Variants in ALAS2 observed in about 807,000 individuals in gnomAD.
ALAS2 encodes 5'-aminolevulinate synthase 2, also known as 5-aminolevulinate synthase, erythroid-specific, mitochondrial.
In ALAS2, 3 loss-of-function variants were observed where a neutral mutation model predicts 33.7. The observed-to-expected ratio is 0.09, with a 90% CI of 0.04 to 0.23. The LOEUF (loss-of-function observed/expected upper bound fraction) is 0.23, where lower values mean the gene tolerates loss of function less well. ALAS2 is among the 10% of genes least tolerant of loss of function. The probability of loss-of-function intolerance (pLI) is 1.00; values close to 1 mark genes in which losing one functional copy is unlikely to be tolerated. For missense variants in ALAS2, 304 were observed against 475.1 expected, an observed-to-expected ratio of 0.64 and a Z score of 3.35; for synonymous variants, 191 against 177.3, an observed-to-expected ratio of 1.08 and a Z score of -0.61.
At position 55,018,741 on chromosome X, in the gene ALAS2, G is replaced by T. The variant is rs183120642; in HGVS notation, c.824-1076C>A. Reference sequence around the variant, plus strand: ...AAGAAATTTGGATTTGGTCCTGGGGGAATGGGGGTCCACTAAAGGGTTTTG... The same window carrying T: ...AAGAAATTTGGATTTGGTCCTGGGGTAATGGGGGTCCACTAAAGGGTTTTG... On this transcript the variant is annotated intron_variant, in intron 6 of 10. Coordinates refer to ENST00000650242, the MANE Select transcript of ALAS2 (RefSeq NM_000032.5). 1.4e-4 allele frequency among the ~76,000 whole-genome samples: 16 copies of T among 111,347 alleles called. No homozygotes were observed. The East Asian group carries it at 3.1e-3, about 22-fold the overall frequency.
At position 55,023,737 on chromosome X, in the gene ALAS2, T is replaced by A. The variant is rs770160847; in HGVS notation, c.415+20A>T. ...CCTTCCCTATTCCGGTCCCCTTTTTTTCCACCTCAGCAAACTCACCAGGCA... is the reference window on the plus strand; with the variant it reads ...CCTTCCCTATTCCGGTCCCCTTTTTATCCACCTCAGCAAACTCACCAGGCA... On this transcript the variant is annotated intron_variant, in intron 4 of 10. Transcript: ENST00000650242. 1 of 1,184,188 alleles carries A rather than the reference T, an allele frequency of 8.4e-7. No individual in the cohort carries two copies. The highest frequency in any genetic ancestry group is 3.0e-5 in the East Asian group (1 of 33,696).
chrX:55,015,524 T>C, intron 8 of ALAS2, 54 bp downstream of exon 8: 2 of 1,190,333 alleles, frequency 1.7e-6, no homozygotes. Flanking sequence ...AAAAGAATTT[T>C]GTAAGGGCCT....
chrX:55,010,385 A>G (rs754080842), intron 10 of ALAS2, among the ~76,000 whole-genome samples: 20 of 111,341 alleles, frequency 1.8e-4, no homozygotes, highest in African/African-American at 5.6e-4. Flanking sequence ...AAATCCTTTC[A>G]AGGGCTCTCA....
intron 10 of ALAS2, 40 bp downstream of exon 10, chrX:55,013,446 G>C (rs775867791): frequency 1.6e-4 from 190 of 1,171,528 alleles, no homozygotes; most frequent in Non-Finnish European, 2.1e-4. Flanking sequence ...CTGGGGCTGA[G>C]GGGAGGGAGG....
Position 55,025,697 on chromosome X carries a change from C to T in ALAS2, c.181+123G>A, listed in dbSNP as rs930429161. ...TTCTGGGTATATTTTGGGGCCAGTTCATGCTATCTTGACACTTTTCACATG... is the reference window on the plus strand; with the variant it reads ...TTCTGGGTATATTTTGGGGCCAGTTTATGCTATCTTGACACTTTTCACATG... On this transcript the variant is annotated intron_variant, in intron 2 of 10. Transcript: ENST00000650242. The T allele has an allele frequency of 3.9e-5, 29 of 739,990 alleles. No individual in the cohort carries two copies. In the Admixed American group the frequency reaches 7.2e-4, roughly 18 times the overall value. The allele number at this position is 739,990 out of a possible 1,213,427, so 61.0% of individuals were successfully genotyped here. A position where few individuals can be genotyped will look rare whatever the true frequency, so the allele number is the denominator to read the frequency against.
intron 10 of ALAS2, among the ~76,000 whole-genome samples, 187 bp downstream of exon 10, chrX:55,013,299 C>T (rs1040510177): frequency 1.8e-5 from 2 of 111,566 alleles, no homozygotes; most frequent in African/African-American, 6.5e-5. Context: ...TATCCCCAAC[C>T]AAACTGGAGC....
chrX:55,015,683 A>C lies in ALAS2; in HGVS notation c.1063T>G (p.Phe355Val). The C allele has an allele frequency of 8.3e-7, 1 of 1,211,339 alleles. No individual in the cohort carries two copies. The highest frequency in any genetic ancestry group is 1.1e-6 in the Non-Finnish European group (1 of 895,375). Residue 355 changes from phenylalanine to valine, a missense_variant, in exon 8 of 11, where the codon TTC becomes GTC. Phe to Val is a conservative substitution (Grantham distance 50). Around this residue, in one of 3 missense-constraint regions of ALAS2, gnomAD observed 138 missense variants for 265.3 expected, o/e 0.52. Transcript: ENST00000650242. ...DVSHQYGALTFVDEVHAVGLY... is the reference protein window; with the variant it reads ...DVSHQYGALTVVDEVHAVGLY... ...CCTACAGCATGGACCTCATCCACGA[A>C]GGTCAGGGCCCCATACTGGTGGGAC... is the stretch of plus-strand genomic sequence containing the variant.
intron 6 of ALAS2, among the ~76,000 whole-genome samples, chrX:55,018,549 C>T (rs1396581240): frequency 8.9e-6 from 1 of 111,751 alleles, no homozygotes; most frequent in African/African-American, 3.3e-5. Context: ...GCTAAGTAAA[C>T]ATTTATTAAA....
chrX:55,014,277 G>A (rs1408665578), intron 9 of ALAS2, among the ~76,000 whole-genome samples: 1 of 111,681 alleles, frequency 9.0e-6, no homozygotes, highest in Non-Finnish European at 1.9e-5. Flanking sequence ...TAAGAAGTAC[G>A]TTTTACACCG....
intron 1 of ALAS2, among the ~76,000 whole-genome samples, chrX:55,029,899 A>G (rs1335025783): frequency 9.1e-6 from 1 of 110,347 alleles, no homozygotes; most frequent in South Asian, 3.9e-4. Context: ...GCCAACTGCA[A>G]CTCTACCCCA....
rs759079427 is a variant in ALAS2, at chrX:55,025,979, G to A, written c.22C>T (p.Leu8=). Residue 8 remains leucine (L), a synonymous_variant, in exon 2 of 11, where the codon CTA becomes TTA. Coordinates refer to ENST00000650242, the MANE Select transcript of ALAS2 (RefSeq NM_000032.5). The part of the protein sequence containing the change: MVTAAML[L]QCCPVLARGP... Reference sequence around the variant, plus strand: ...CGGGCAAGCACTGGGCAGCACTGTAGCAGCATGGCTGCAGTCACCATCTTG... The same window carrying A: ...CGGGCAAGCACTGGGCAGCACTGTAACAGCATGGCTGCAGTCACCATCTTG... The A allele has an allele frequency of 1.7e-6, 2 of 1,211,265 alleles. No homozygotes were observed. Among genetic ancestry groups the A allele is most frequent in the Admixed American group, 4.3e-5 (2 of 46,017 alleles).
At position 55,027,003 on chromosome X, in the gene ALAS2, G is replaced by A. The variant is rs781354801; in HGVS notation, c.-15-988C>T. On this transcript the variant is annotated intron_variant, in intron 1 of 10. Transcript: ENST00000650242. The stretch of plus-strand genomic sequence containing the variant: ...GAACAGAAATTGAGGGGGAAAAAGA[G>A]ATCAAAGGTAGAGGGAAAGGGAGCA... 3.6e-5 allele frequency among the ~76,000 whole-genome samples: 4 copies of A among 110,150 alleles called. No individual in the cohort carries two copies. The South Asian group carries it at 1.6e-3, about 44-fold the overall frequency.
Position 55,014,142 on chromosome X carries a change from A to G in ALAS2, c.1438-494T>C, listed in dbSNP as rs781240106. 2.7e-3 allele frequency among the ~76,000 whole-genome samples: 302 copies of G among 112,058 alleles called. 1 individual carries two copies. The highest frequency in any genetic ancestry group is 9.1e-3 in the African/African-American group (282 of 30,838). ...CTGCCCTGGCTTACTGACTCACACA[A>G]ATACGTGTTATTTAAGAAAGAAGTA... is the stretch of plus-strand genomic sequence containing the variant. On this transcript the variant is annotated intron_variant, in intron 9 of 10. Coordinates refer to ENST00000650242, the MANE Select transcript of ALAS2 (RefSeq NM_000032.5).
chrX:55,028,103 T>C (rs927432310), intron 1 of ALAS2, among the ~76,000 whole-genome samples: 1 of 111,556 alleles, frequency 9.0e-6, no homozygotes, highest in Non-Finnish European at 1.9e-5. Context: ...AGGTAAGGAA[T>C]TGGATCCAGT....
Position 55,025,834 on chromosome X carries a change from G to C in ALAS2, c.167C>G (p.Thr56Arg). Reference protein sequence around the residue: ...PNCSQIHLKATKAGGDSPSWA... With the variant: ...PNCSQIHLKARKAGGDSPSWA... ...CCTCTTCTTACCTCCTCCAGCCTTT[G>C]TTGCCTTAAGGTGGATTTGAGAACA... Residue 56 changes from threonine to arginine, a missense_variant, in exon 2 of 11, where the codon ACA becomes AGA. Physicochemically the swap from Thr to Arg is moderately conservative, Grantham distance 71. This residue lies in a region of ALAS2 where 71 missense variants were observed against 82.8 expected (regional missense o/e 0.86). Coordinates refer to ENST00000650242, the MANE Select transcript of ALAS2 (RefSeq NM_000032.5). The C allele has an allele frequency of 8.3e-7, 1 of 1,211,416 alleles. No individual in the cohort carries two copies. The highest frequency in any genetic ancestry group is 1.1e-6 in the Non-Finnish European group (1 of 895,349).
intron 6 of ALAS2, 69 bp from the exon 7 acceptor site, chrX:55,017,734 C>T (rs1935728968): frequency 1.8e-6 from 2 of 1,103,394 alleles, no homozygotes; most frequent in African/African-American, 3.6e-5. Flanking sequence ...CAGGTTTGAC[C>T]TGGCAAAGAA....
Position 55,024,610 on chromosome X carries a change from TC to T in ALAS2, c.304+107del, listed in dbSNP as rs774897255. 10 of 1,072,264 alleles carry T rather than the reference TC, an allele frequency of 9.3e-6. No homozygotes were observed. In the East Asian group the frequency reaches 3.0e-4, roughly 33 times the overall value. 88.4% of individuals were successfully genotyped at this position (1,072,264 alleles called of 1,213,427 possible). A position where few individuals can be genotyped will look rare whatever the true frequency, so the allele number is the denominator to read the frequency against. ...TCCCCTGGAAAGACTGGACTTCTCA[TC>T]ATGGGATGTGTACTGGCTGCTTTTG... On this transcript the variant is annotated intron_variant, in intron 3 of 10. Transcript: ENST00000650242.
At chrX:55,009,455 T>G in intron 10 of ALAS2, 112 bp from the exon 11 acceptor site, 1 of 794,783 alleles carries the variant, frequency 1.3e-6, no homozygotes. Flanking sequence ...TCAAGATACC[T>G]CAGGGCCAGA....
chrX:55,027,660 G>A lies in ALAS2; in HGVS notation c.-15-1645C>T. ...AGCACCCTCAGCCTTATGTTTTGAGGGACAGGTCAGCTCATGGCCCTGCCC... is the reference window on the plus strand; with the variant it reads ...AGCACCCTCAGCCTTATGTTTTGAGAGACAGGTCAGCTCATGGCCCTGCCC... On this transcript the variant is annotated intron_variant, in intron 1 of 10. Transcript: ENST00000650242. The A allele has an allele frequency of 3.3e-6, 3 of 902,735 alleles. No homozygotes were observed. In the South Asian group the frequency reaches 5.9e-5, roughly 18 times the overall value. The allele number at this position is 902,735 out of a possible 1,213,427, so 74.4% of individuals were successfully genotyped here.
Sources: gnomAD v4.1 joint callset for allele counts (sites outside exome capture counted in the v4.1 genomes callset) on GRCh38, gnomAD v4.1.1 for gene constraint, gnomAD v4.1.1 regional missense constraint, MANE v1.5 for transcripts, NCBI Gene and HGNC (gene_info 2026-07-23, HGNC 2026-07-21) for gene names.